The following PEAK1 variants were observed in gnomAD, a reference collection of about 807,000 sequenced individuals.
PEAK1 encodes inactive tyrosine-protein kinase PEAK1.
A neutral mutation model predicts 124.7 loss-of-function variants in PEAK1; 54 were observed. That is an observed-to-expected ratio of 0.43 (90% confidence interval 0.35 to 0.54). PEAK1 has a LOEUF of 0.54. Among genes scored for constraint, PEAK1 ranks in the 20% least tolerant of loss-of-function variants. The pLI is 0.01. For missense variants in PEAK1, 2,046 were observed against 2,134.5 expected, an observed-to-expected ratio of 0.96 and a Z score of 0.82; for synonymous variants, 719 against 760.0, an observed-to-expected ratio of 0.95 and a Z score of 0.89.
At chr15:77,201,173 C>T (rs1395247564) in intron 6 of PEAK1, among the ~76,000 whole-genome samples, 3 of 150,752 alleles carry the variant, frequency 2.0e-5, no homozygotes, top group African/African-American at 7.3e-5. Context: ...CATGTCTTTC[C>T]AACTTTAAGA....
intron 1 of PEAK1, among the ~76,000 whole-genome samples, chr15:77,376,724 A>G (rs2069057887): frequency 6.6e-6 from 1 of 152,242 alleles, no homozygotes; most frequent in Non-Finnish European, 1.5e-5. Flanking sequence ...GATATTTTAT[A>G]GTGCAAATAT....
intron 5 of PEAK1, among the ~76,000 whole-genome samples, chr15:77,265,613 C>T (rs1418814470): frequency 1.3e-5 from 2 of 151,972 alleles, no homozygotes; most frequent in Non-Finnish European, 2.9e-5. Flanking sequence ...ACAACAGGTG[C>T]TGGAGAGGAT....
chr15:77,115,308 G>T lies in PEAK1; in HGVS notation c.4089C>A (p.Ser1363Arg). Residue 1363 changes from serine to arginine, a missense_variant, in exon 10 of 10, where the codon AGC becomes AGA. By Grantham distance (110) the Ser-to-Arg change is moderately radical (BLOSUM62 -1). Transcript: ENST00000682557. ...AATACTGCTGAGATTCTTTAGCTTT[G>T]CTCTTACAGATCTGAAAGATAATAA... The part of the protein sequence containing the change: ...LNNYAVKICK[S>R]KAKESQQYYH... The T allele has an allele frequency of 6.2e-7, 1 of 1,611,628 alleles. No individual in the cohort carries two copies. The highest frequency in any genetic ancestry group is 1.1e-5 in the South Asian group (1 of 91,024).
At chr15:77,306,021 T>C (rs895554351) in intron 2 of PEAK1, among the ~76,000 whole-genome samples, 6 of 152,192 alleles carry the variant, frequency 3.9e-5, no homozygotes, top group African/African-American at 1.4e-4. Flanking sequence ...ATTAGGGTCA[T>C]GGCAAGAATT....
intron 6 of PEAK1, among the ~76,000 whole-genome samples, chr15:77,207,345 T>A (rs1217849054): frequency 6.6e-6 from 1 of 152,206 alleles, no homozygotes. Context: ...ATCTGTGGAC[T>A]GGTCCTCAAC....
At chr15:77,153,276 T>C (rs1036954246) in intron 8 of PEAK1, among the ~76,000 whole-genome samples, 44 of 152,246 alleles carry the variant, frequency 2.9e-4, no homozygotes, top group African/African-American at 9.6e-5. Flanking sequence ...TTTATTTGTG[T>C]AGAGGTGTCT....
intron 2 of PEAK1, among the ~76,000 whole-genome samples, chr15:77,314,393 G>C (rs2064740772): frequency 6.6e-6 from 1 of 151,582 alleles, no homozygotes; most frequent in Non-Finnish European, 1.5e-5. Context: ...TTTTAAGACA[G>C]AGTTTCTCTC....
intron 8 of PEAK1, among the ~76,000 whole-genome samples, chr15:77,147,733 C>T (rs574948540): frequency 6.6e-6 from 1 of 152,138 alleles, no homozygotes; most frequent in Non-Finnish European, 1.5e-5. Flanking sequence ...GTAAAATCAT[C>T]ATTCTGTGAG....
At chr15:77,140,586 G>A (rs2053698911) in intron 8 of PEAK1, among the ~76,000 whole-genome samples, 1 of 152,020 alleles carries the variant, frequency 6.6e-6, no homozygotes, top group African/African-American at 2.4e-5. Context: ...AAACAGAAGA[G>A]AACATCCTCA....
At chr15:77,154,137 A>T (rs1023493583) in intron 8 of PEAK1, among the ~76,000 whole-genome samples, 5 of 152,072 alleles carry the variant, frequency 3.3e-5, no homozygotes, top group Non-Finnish European at 7.4e-5. Flanking sequence ...TTTGTAGGTC[A>T]CTAAGGACTT....
chr15:77,187,075 GCACC>G (rs2057583711), intron 6 of PEAK1, among the ~76,000 whole-genome samples: 1 of 152,178 alleles, frequency 6.6e-6, no homozygotes, highest in Non-Finnish European at 1.5e-5. Flanking sequence ...CTGATACAGA[GCACC>G]CAAATGGAAT....
At chr15:77,197,391 G>A (rs548497291) in intron 6 of PEAK1, among the ~76,000 whole-genome samples, 72 of 152,116 alleles carry the variant, frequency 4.7e-4, no homozygotes, top group Middle Eastern at 3.4e-3. Flanking sequence ...TATCCAAACA[G>A]AATTTAATTA....
chr15:77,319,208 T>G (rs2065053097), intron 2 of PEAK1, among the ~76,000 whole-genome samples: 1 of 151,854 alleles, frequency 6.6e-6, no homozygotes. Flanking sequence ...ACAGGTGAAA[T>G]TCTGGCAAAC....
chr15:77,222,454 G>T (rs750693331), intron 6 of PEAK1, among the ~76,000 whole-genome samples: 17 of 151,932 alleles, frequency 1.1e-4, no homozygotes, highest in Non-Finnish European at 2.4e-4. Context: ...TTATCCCAAT[G>T]ATCTTATGCA....
At chr15:77,318,851 C>T (rs2065031564) in intron 2 of PEAK1, among the ~76,000 whole-genome samples, 1 of 152,228 alleles carries the variant, frequency 6.6e-6, no homozygotes, top group African/African-American at 2.4e-5. Flanking sequence ...CCCCTATAAA[C>T]CTCCTAATTC....
rs1361113636 is a variant in PEAK1 at position 77,314,668 on chromosome 15, T to C, written c.-602-28164A>G. Reference sequence around the variant, plus strand: ...CACATGTGAGCCACTGCGTCCTGCCTAAAACGAATTTTCTAGATGACTGAA... The same window carrying C: ...CACATGTGAGCCACTGCGTCCTGCCCAAAACGAATTTTCTAGATGACTGAA... On this transcript the variant is annotated intron_variant, in intron 2 of 9. Coordinates refer to ENST00000682557, the MANE Select transcript of PEAK1 (RefSeq NM_001385026.1). Among the ~76,000 whole-genome samples the C allele has an allele frequency of 2.6e-5, 4 of 152,234 alleles. No homozygotes were observed. The South Asian group carries it at 8.3e-4, about 32-fold the overall frequency.
intron 1 of PEAK1, chr15:77,401,654 A>C: frequency 1.0e-6 from 1 of 985,160 alleles, no homozygotes; most frequent in Non-Finnish European, 1.2e-6. Flanking sequence ...TTAGAACTTC[A>C]ATGGACATTG....
chr15:77,291,537 A>G (rs2063212824), intron 2 of PEAK1, among the ~76,000 whole-genome samples: 1 of 152,178 alleles, frequency 6.6e-6, no homozygotes, highest in Non-Finnish European at 1.5e-5. Flanking sequence ...TGTGCTATAG[A>G]GGATCATTTA....
At chr15:77,195,361 G>A (rs916920901) in intron 6 of PEAK1, among the ~76,000 whole-genome samples, 1 of 152,074 alleles carries the variant, frequency 6.6e-6, no homozygotes, top group Non-Finnish European at 1.5e-5. Flanking sequence ...ACTGGAAAAC[G>A]ATGAGGTGGG....
Sources: allele counts gnomAD v4.1 joint callset (sites outside exome capture counted in the v4.1 genomes callset), GRCh38; gene constraint gnomAD v4.1.1; transcripts MANE v1.5; gene names NCBI Gene and HGNC (gene_info 2026-07-23, HGNC 2026-07-21).